The following RFX4 variants were observed in gnomAD, a reference collection of about 807,000 sequenced individuals.
RFX4 encodes transcription factor RFX4.
Under a neutral mutation model 95.0 loss-of-function variants are expected in RFX4, and 10 were observed. The observed-to-expected ratio is 0.11, with a 90% confidence interval of 0.06 to 0.18. The LOEUF (loss-of-function observed/expected upper bound fraction) is 0.18. RFX4 is among the 10% of genes least tolerant of loss of function. The pLI is 1.00. For missense variants in RFX4, 640 were observed against 922.0 expected, an observed-to-expected ratio of 0.69 and a Z score of 3.96; for synonymous variants, 321 against 340.7, an observed-to-expected ratio of 0.94 and a Z score of 0.64.
intron 1 of RFX4, among the ~76,000 whole-genome samples, chr12:106,593,985 A>G (rs545295665): frequency 2.6e-5 from 4 of 152,300 alleles, no homozygotes; most frequent in African/African-American, 9.6e-5. Flanking sequence ...TCCACTGCTG[A>G]TAATAAGTCT....
Position 106,583,422 on chromosome 12 carries a change from G to A in RFX4, c.43+59G>A, listed in dbSNP as rs563600310. 285 of 1,456,552 alleles carry A rather than the reference G, an allele frequency of 2.0e-4. No individual in the cohort carries two copies. In the African/African-American group the frequency reaches 3.8e-3, roughly 19 times the overall value. The allele number at this position is 1,456,552 out of a possible 1,614,324, so 90.2% of individuals were successfully genotyped here. ...TGGGAGGGAAGGAGAAGGGAGAGGG[G>A]GAACTTTAGAAAGAAGTTGGGAAAA... On this transcript the variant is annotated intron_variant, in intron 1 of 17. Coordinates refer to ENST00000392842, the MANE Select transcript of RFX4 (RefSeq NM_213594.3).
chr12:106,610,787 A>G (rs1188450685), intron 2 of RFX4, among the ~76,000 whole-genome samples: 1 of 152,238 alleles, frequency 6.6e-6, no homozygotes, highest in East Asian at 1.9e-4. Context: ...GCATACAAAT[A>G]TCTTTTCAAG....
chr12:106,748,192 G>A (rs1421571931), intron 16 of RFX4, among the ~76,000 whole-genome samples: 1 of 152,154 alleles, frequency 6.6e-6, no homozygotes, highest in East Asian at 1.9e-4. Flanking sequence ...GGCCTAAACT[G>A]AGCAAATGTC....
intron 13 of RFX4, 130 bp downstream of exon 13, chr12:106,721,006 G>A: frequency 1.3e-6 from 1 of 744,880 alleles, no homozygotes; most frequent in Non-Finnish European, 2.3e-6. Context: ...CTTCTGGGGA[G>A]ACATGACATT....
chr12:106,610,061 A>C (rs1317511907), intron 2 of RFX4, among the ~76,000 whole-genome samples: 1 of 152,078 alleles, frequency 6.6e-6, no homozygotes, highest in Non-Finnish European at 1.5e-5. Flanking sequence ...CACAGTTTAC[A>C]GATCCTTTTA....
chr12:106,671,965 A>C (rs1028897432), intron 4 of RFX4, among the ~76,000 whole-genome samples: 1 of 152,136 alleles, frequency 6.6e-6, no homozygotes, highest in African/African-American at 2.4e-5. Context: ...CCCGGCCTCC[A>C]GTGTTGTTTT....
intron 2 of RFX4, among the ~76,000 whole-genome samples, chr12:106,621,190 G>A (rs572634371): frequency 3.5e-4 from 54 of 152,310 alleles, no homozygotes; most frequent in Non-Finnish European, 4.4e-5. Context: ...AGTAAAGACA[G>A]GCATAAGAAA....
chr12:106,608,979 C>T, intron 2 of RFX4, 96 bp downstream of exon 2: 3 of 1,023,424 alleles, frequency 2.9e-6, no homozygotes, highest in Non-Finnish European at 4.4e-6. Context: ...TGGGCCAAGT[C>T]ACCTGGAACA....
chr12:106,681,913 G>T, intron 4 of RFX4, 80 bp from the exon 5 acceptor site: 2 of 1,464,592 alleles, frequency 1.4e-6, no homozygotes, highest in Non-Finnish European at 1.9e-6. Flanking sequence ...CCTCCCTTCT[G>T]TAGATGGCTA....
At chr12:106,633,111 ACCT>A (rs1231949520) in intron 2 of RFX4, among the ~76,000 whole-genome samples, 2 of 152,092 alleles carry the variant, frequency 1.3e-5, no homozygotes, top group East Asian at 3.9e-4. Flanking sequence ...GGTGTGACAC[ACCT>A]CCTACTTTAG....
intron 4 of RFX4, chr12:106,680,704 T>C (rs2041488583): frequency 6.6e-6 from 1 of 152,054 alleles, no homozygotes; most frequent in South Asian, 2.1e-4. Flanking sequence ...GGGAAGGGAG[T>C]CTTGGTTACA....
At chr12:106,750,423 GC>G (rs1411291383) in intron 16 of RFX4, among the ~76,000 whole-genome samples, 4 of 146,260 alleles carry the variant, frequency 2.7e-5, no homozygotes, top group Non-Finnish European at 5.9e-5. Context: ...GTTGCAGTGA[GC>G]CAAGATCATG....
intron 2 of RFX4, among the ~76,000 whole-genome samples, chr12:106,620,945 C>A (rs149472302): frequency 0.1 from 15,763 of 152,092 alleles, 995 homozygotes; most frequent in Middle Eastern, 0.14. Flanking sequence ...AGGCTCTCTG[C>A]AAGAAGAAAA....
At chr12:106,711,313 T>C (rs553347740) in intron 9 of RFX4, 140 bp from the exon 10 acceptor site, 119 of 696,234 alleles carry the variant, frequency 1.7e-4, no homozygotes, top group Non-Finnish European at 2.8e-4. Context: ...GTTTTGCCAG[T>C]GGGTACATAA....
In RFX4 at chr12:106,761,593, C is replaced by T. The variant is rs1470453811; in HGVS notation, c.*124C>T. The T allele has an allele frequency of 4.7e-6, 3 of 638,424 alleles. No homozygotes were observed. Among genetic ancestry groups the T allele is most frequent in the Non-Finnish European group, 4.3e-6 (2 of 469,028 alleles). The allele number at this position is 638,424 out of a possible 1,614,324, so 39.5% of individuals were successfully genotyped here. On this transcript the variant is annotated 3_prime_UTR_variant, in exon 18 of 18. Coordinates refer to ENST00000392842, the MANE Select transcript of RFX4 (RefSeq NM_213594.3). ...GTAACTCATGGGCTATTCCTAAGTG[C>T]CCATTTTCCTAATGAACATGAGGAT...
At chr12:106,687,852 T>C (rs1227318724) in intron 6 of RFX4, among the ~76,000 whole-genome samples, 1 of 152,184 alleles carries the variant, frequency 6.6e-6, no homozygotes, top group East Asian at 1.9e-4. Context: ...GCTGTCTCAT[T>C]TCATGAGGAA....
rs147641285 is a variant in RFX4 at position 106,613,878 on chromosome 12, A to G, written c.130+4995A>G. Among the ~76,000 whole-genome samples the G allele has an allele frequency of 2.8e-3, 419 of 152,326 alleles. 1 individual carries two copies. Among genetic ancestry groups the G allele is most frequent in the Non-Finnish European group, 4.5e-3 (306 of 68,026 alleles). On this transcript the variant is annotated intron_variant, in intron 2 of 17. Coordinates refer to ENST00000392842, the MANE Select transcript of RFX4 (RefSeq NM_213594.3). ...GCACTTATTTTGTTGGTATGTTCCC[A>G]GGAGTAGAATTGCTAGATCATAATG... is the stretch of plus-strand genomic sequence containing the variant.
At chr12:106,684,353 C>T (rs1028969975) in intron 5 of RFX4, among the ~76,000 whole-genome samples, 4 of 152,040 alleles carry the variant, frequency 2.6e-5, no homozygotes, top group African/African-American at 7.2e-5. Context: ...GGTGACAGAG[C>T]GAGACCTGTC....
At chr12:106,666,678 T>C (rs1258381048) in intron 4 of RFX4, among the ~76,000 whole-genome samples, 3 of 152,208 alleles carry the variant, frequency 2.0e-5, no homozygotes, top group Non-Finnish European at 2.9e-5. Context: ...TCTTCAGCTG[T>C]GTCTAGTCAC....
Sources: allele counts gnomAD v4.1 joint callset (sites outside exome capture counted in the v4.1 genomes callset), GRCh38; gene constraint gnomAD v4.1.1; transcripts MANE v1.5; gene names NCBI Gene and HGNC (gene_info 2026-07-23, HGNC 2026-07-21).